VANGL1: variants seen among roughly 807,000 people sequenced by gnomAD.
VANGL1 encodes VANGL planar cell polarity protein 1, also known as vang-like protein 1.
VANGL1 carries 18 observed loss-of-function variants against 48.4 expected under a neutral mutation model. That is an observed-to-expected ratio of 0.37 (90% CI 0.26 to 0.55). The LOEUF (loss-of-function observed/expected upper bound fraction) is 0.55, where lower values mean the gene tolerates loss of function less well. Ranked by LOEUF, VANGL1 falls within the 20% of genes least tolerant of loss-of-function variation. VANGL1 has a pLI of 0.81. For synonymous variants in VANGL1, 257 were observed against 261.8 expected, an observed-to-expected ratio of 0.98 and a Z score of 0.18; for missense variants, 667 against 675.8, an observed-to-expected ratio of 0.99 and a Z score of 0.14.
chr1:115,666,361 G>T (rs751979574), intron 4 of VANGL1, among the ~76,000 whole-genome samples: 2 of 152,170 alleles, frequency 1.3e-5, no homozygotes, highest in Admixed American at 6.5e-5. Context: ...ATCTGAGTGG[G>T]AGTGGAGAGG....
rs369470187 is a variant in VANGL1 at position 115,647,006 on chromosome 1, G to A, written c.-137-4271G>A. Among the ~76,000 whole-genome samples, 5 of 152,334 alleles carry A rather than the reference G, an allele frequency of 3.3e-5. No homozygotes were observed. In the East Asian group the frequency reaches 9.6e-4, roughly 29 times the overall value. On this transcript the variant is annotated intron_variant, in intron 1 of 7. Transcript: ENST00000355485. ...TAAGACTCTACCTTAAAGGAGCTGG[G>A]GCTAGAGAAGGAGGAGGGAGCTAGA...
chr1:115,649,829 G>A (rs1302677000), intron 1 of VANGL1, among the ~76,000 whole-genome samples: 1 of 152,166 alleles, frequency 6.6e-6, no homozygotes, highest in Non-Finnish European at 1.5e-5. Flanking sequence ...TAACAGATGA[G>A]GAAACTGAGG....
At chr1:115,653,411 G>A (rs113947091) in intron 2 of VANGL1, among the ~76,000 whole-genome samples, 22 of 152,300 alleles carry the variant, frequency 1.4e-4, no homozygotes, top group African/African-American at 4.8e-4. Context: ...ACCAGAAACA[G>A]CTGTTTTAAA....
At chr1:115,687,422 A>G (rs1653672916) in intron 7 of VANGL1, among the ~76,000 whole-genome samples, 1 of 138,884 alleles carries the variant, frequency 7.2e-6, no homozygotes, top group Non-Finnish European at 1.6e-5. Flanking sequence ...TGTAGAACCA[A>G]AACAGTTGTT....
intron 4 of VANGL1, among the ~76,000 whole-genome samples, chr1:115,677,775 CT>C (rs1296165848): frequency 6.6e-6 from 1 of 152,198 alleles, no homozygotes; most frequent in Non-Finnish European, 1.5e-5. Context: ...CAGGCTCCCC[CT>C]GATGGTAATA....
intron 2 of VANGL1, among the ~76,000 whole-genome samples, chr1:115,657,329 G>A (rs111917068): frequency 6.6e-6 from 1 of 152,228 alleles, no homozygotes; most frequent in Non-Finnish European, 1.5e-5. Context: ...TCTTCAACAC[G>A]GTGCACCATA....
chr1:115,651,546 C>A, intron 2 of VANGL1, 62 bp downstream of exon 2: 1 of 1,454,642 alleles, frequency 6.9e-7, no homozygotes, highest in Non-Finnish European at 9.6e-7. Flanking sequence ...TGGTGGGGTT[C>A]TCTACACTCA....
intron 7 of VANGL1, among the ~76,000 whole-genome samples, chr1:115,687,981 G>C (rs371116092): frequency 8.4e-6 from 1 of 119,244 alleles, no homozygotes; most frequent in African/African-American, 3.1e-5. Flanking sequence ...TAGATAGATA[G>C]ATAGATAGAC....
rs1340347867 is a variant in VANGL1 at position 115,695,136 on chromosome 1, A to G, written c.*3757A>G. On this transcript the variant is annotated 3_prime_UTR_variant, in exon 8 of 8. Transcript: ENST00000355485. ...TTGCTTTAGGACTCTGAAAACAGCA[A>G]GAAACAAACAAACAAAGGTCAAGCT... 1 of 152,256 alleles carries G rather than the reference A, an allele frequency of 6.6e-6. No homozygotes were observed. The highest frequency in any genetic ancestry group is 6.5e-5 in the Admixed American group (1 of 15,286). 9.4% of individuals were successfully genotyped at this position (152,256 alleles called of 1,614,324 possible). A position where few individuals can be genotyped will look rare whatever the true frequency, so the allele number is the denominator to read the frequency against.
At chr1:115,690,623 G>C (rs1200930044) in intron 7 of VANGL1, among the ~76,000 whole-genome samples, 2 of 152,244 alleles carry the variant, frequency 1.3e-5, no homozygotes, top group African/African-American at 4.8e-5. Flanking sequence ...TAAATGACTT[G>C]TGCAGAATCA....
Position 115,687,703 on chromosome 1 carries a change from CTCTG to C in VANGL1, c.1314+2178_1314+2181del, listed in dbSNP as rs1281012781. ...GAAATTGGGTCATTGCTCTCTCTTT[CTCTG>C]TGTGTGTGTGTGTGTGTGTGTGTGT... On this transcript the variant is annotated intron_variant, in intron 7 of 7. Coordinates refer to ENST00000355485, the MANE Select transcript of VANGL1 (RefSeq NM_138959.3). 7.2e-5 allele frequency among the ~76,000 whole-genome samples: 5 copies of C among 69,716 alleles called. No individual in the cohort carries two copies. In the East Asian group the frequency reaches 1.1e-3, roughly 15 times the overall value. 45.7% of individuals were successfully genotyped at this position (69,716 alleles called of 152,430 possible). A position where few individuals can be genotyped will look rare whatever the true frequency, so the allele number is the denominator to read the frequency against.
intron 4 of VANGL1, among the ~76,000 whole-genome samples, chr1:115,668,155 CCCAGGCTCT>C (rs1652860417): frequency 1.3e-5 from 2 of 152,182 alleles, no homozygotes; most frequent in Non-Finnish European, 2.9e-5. Flanking sequence ...AGGATTTGAG[CCCAGGCTCT>C]CTGGTTCCAG....
intron 1 of VANGL1, among the ~76,000 whole-genome samples, chr1:115,647,791 A>C (rs1651995188): frequency 6.6e-6 from 1 of 152,150 alleles, no homozygotes; most frequent in African/African-American, 2.4e-5. Context: ...GCTTTAGCTG[A>C]GGAATTGGGA....
chr1:115,664,060 C>CT lies in VANGL1; in HGVS notation c.610dup (p.Tyr204LeufsTer88). 2 of 1,614,144 alleles carry CT rather than the reference C, an allele frequency of 1.2e-6. No individual in the cohort carries two copies. Among genetic ancestry groups the CT allele is most frequent in the Non-Finnish European group, 1.7e-6 (2 of 1,180,042 alleles). On this transcript the variant is annotated frameshift_variant, in exon 4 of 8. Transcript: ENST00000355485. LOFTEE classifies it high-confidence loss of function. Reference sequence around the variant, plus strand: ...CTTTCTCTTTGTGGTTTCCTATTGGCTTTTTTACGGGGTCCGCATTTTGGA... The same window carrying CT: ...CTTTCTCTTTGTGGTTTCCTATTGGCTTTTTTTACGGGGTCCGCATTTTGGA...
At chr1:115,680,006 T>C (rs1227842907) in intron 4 of VANGL1, among the ~76,000 whole-genome samples, 1 of 95,102 alleles carries the variant, frequency 1.1e-5, no homozygotes, top group Non-Finnish European at 2.1e-5. Context: ...TGTGTGTGTG[T>C]GTGTGTGTGT....
rs1653564130 is a variant in VANGL1 at position 115,685,374 on chromosome 1, G to T, written c.1161G>T (p.Val387=). 1 of 1,613,968 alleles carries T rather than the reference G, an allele frequency of 6.2e-7. No individual in the cohort carries two copies. Among genetic ancestry groups the T allele is most frequent in the South Asian group, 1.1e-5 (1 of 91,086 alleles). ...AEEQQKAPGE[V]MDPREAAQAI... ...AGCAGCAGAAAGCCCCAGGGGAGGT[G>T]ATGGACCCTAGGGAGGCCGCCCAGG... Residue 387 remains valine (V), a synonymous_variant, in exon 7 of 8, where the codon GTG becomes GTT. Transcript: ENST00000355485.
chr1:115,648,731 T>C (rs529713646), intron 1 of VANGL1, among the ~76,000 whole-genome samples: 99 of 152,186 alleles, frequency 6.5e-4, no homozygotes, highest in Non-Finnish European at 1.1e-3. Flanking sequence ...ATTTGCCCCC[T>C]GATGTCACAG....
intron 4 of VANGL1, among the ~76,000 whole-genome samples, chr1:115,675,807 T>TA (rs1413157317): frequency 2.0e-5 from 3 of 151,786 alleles, no homozygotes; most frequent in Non-Finnish European, 4.4e-5. Flanking sequence ...ATAAAATAAT[T>TA]AAAAAAAACA....
chr1:115,669,859 G>C (rs963708048), intron 4 of VANGL1, among the ~76,000 whole-genome samples: 1 of 152,136 alleles, frequency 6.6e-6, no homozygotes, highest in South Asian at 2.1e-4. Flanking sequence ...ATGATCCTTG[G>C]ATTGCTTTTC....
Sources: allele counts gnomAD v4.1 joint callset (sites outside exome capture counted in the v4.1 genomes callset), GRCh38; gene constraint gnomAD v4.1.1; transcripts MANE v1.5; gene names NCBI Gene and HGNC (gene_info 2026-07-23, HGNC 2026-07-21).